The following VWDE variants were observed in gnomAD, a reference collection of about 807,000 sequenced individuals.
VWDE encodes von Willebrand factor D and EGF domain-containing protein.
In VWDE, 207 loss-of-function variants were observed where a neutral mutation model predicts 178.4. The ratio of observed to expected loss-of-function variants is 1.16; its 90% CI spans 1.04 to 1.30. The LOEUF (loss-of-function observed/expected upper bound fraction) is 1.30, where lower values mean the gene tolerates loss of function less well. Among genes scored for constraint, VWDE ranks in the 50% most tolerant of loss-of-function variants. The pLI is 0.00. For missense variants in VWDE, 2,287 were observed against 1,901.3 expected (o/e 1.20, Z -3.77); for synonymous variants, 738 against 651.4 (o/e 1.13, Z -2.02).
chr7:12,365,663 C>A lies in VWDE; in HGVS notation c.2898+1694G>T, dbSNP rs370269302. 4.6e-5 allele frequency among the ~76,000 whole-genome samples: 7 copies of A among 152,006 alleles called. No homozygotes were observed. In the South Asian group the frequency reaches 1.5e-3, roughly 32 times the overall value. ...GTGAATGCAAGGCTTTGAGCAGGGC[C>A]CATGTTCGTAGGGTTGGGGATCCTA... On this transcript the variant is annotated intron_variant, in intron 13 of 28. Transcript: ENST00000275358.
intron 1 of VWDE, 76 bp downstream of exon 1, chr7:12,403,581 CAA>C: frequency 7.1e-7 from 1 of 1,399,708 alleles, no homozygotes; most frequent in South Asian, 1.4e-5. Context: ...CCAAGTCGTC[CAA>C]AAAGTCTAGC....
intron 14 of VWDE, 48 bp from the exon 15 acceptor site, chr7:12,361,299 A>C: frequency 6.5e-7 from 1 of 1,536,486 alleles, no homozygotes; most frequent in Non-Finnish European, 8.8e-7. Context: ...TAAATGTTCT[A>C]AATTCATTAT....
At position 12,357,399 on chromosome 7, in the gene VWDE, A is replaced by T; in HGVS notation, c.3391T>A (p.Leu1131Met). The change falls in exon 17 of 29, where the codon TTG becomes ATG. Residue 1131 changes from leucine (L) to methionine (M), a missense_variant. Transcript: ENST00000275358. ...DPEGSDIHFT[L>M]DSGPEGASVS... ...CTTGCCCCTTCAGGACCAGAGTCCA[A>T]CGTAAAATGGATGTCAGAACCTTCT... The T allele has an allele frequency of 6.4e-7, 1 of 1,551,992 alleles. No individual in the cohort carries two copies. The highest frequency in any genetic ancestry group is 8.7e-7 in the Non-Finnish European group (1 of 1,147,070).
chr7:12,339,908 T>G (rs1216769727), intron 24 of VWDE, among the ~76,000 whole-genome samples: 1 of 152,108 alleles, frequency 6.6e-6, no homozygotes, highest in Non-Finnish European at 1.5e-5. Context: ...CACAGGTGAT[T>G]CTTCATAAAT....
At chr7:12,402,836 C>G (rs1344565387) in intron 1 of VWDE, among the ~76,000 whole-genome samples, 1 of 151,834 alleles carries the variant, frequency 6.6e-6, no homozygotes, top group African/African-American at 2.4e-5. Context: ...AATGATAAGA[C>G]AAAACTATAC....
At chr7:12,352,021 C>A (rs764318005) in intron 18 of VWDE, among the ~76,000 whole-genome samples, 2 of 152,032 alleles carry the variant, frequency 1.3e-5, no homozygotes, top group African/African-American at 2.4e-5. Flanking sequence ...GGTGTGCTCA[C>A]GAAAACAGGA....
intron 26 of VWDE, 45 bp from the exon 27 acceptor site, chr7:12,336,281 C>T (rs1332970438): frequency 6.8e-7 from 1 of 1,481,090 alleles, no homozygotes; most frequent in African/African-American, 1.4e-5. Context: ...AATTACTAGT[C>T]AAATCCTATC....
rs1048475844 is a variant in VWDE at position 12,333,446 on chromosome 7, T to C, written c.4758+19A>G. On this transcript the variant is annotated intron_variant, in intron 28 of 28. Transcript: ENST00000275358. ...ATGTCAATGTCTAATATTTATTTTC[T>C]CTTTAAACTCTGAAATACCTGTATT... is the stretch of plus-strand genomic sequence containing the variant. 21 of 1,451,498 alleles carry C rather than the reference T, an allele frequency of 1.4e-5. No homozygotes were observed. The Admixed American group carries it at 2.2e-4, about 16-fold the overall frequency. 89.9% of individuals were successfully genotyped at this position (1,451,498 alleles called of 1,614,324 possible).
chr7:12,344,500 T>G (rs2128547578), intron 19 of VWDE, 31 bp from the exon 20 acceptor site: 2 of 1,507,116 alleles, frequency 1.3e-6, no homozygotes, highest in African/African-American at 1.4e-5. Context: ...AAAAGGTTGA[T>G]TGCTAAAACA....
At chr7:12,365,649 G>T (rs1190181158) in intron 13 of VWDE, among the ~76,000 whole-genome samples, 2 of 152,002 alleles carry the variant, frequency 1.3e-5, no homozygotes, top group Admixed American at 6.6e-5. Context: ...TGAATGCAAG[G>T]CTTTGAGCAG....
At chr7:12,336,766 C>G (rs1223578927) in intron 26 of VWDE, among the ~76,000 whole-genome samples, 2 of 152,060 alleles carry the variant, frequency 1.3e-5, no homozygotes, top group African/African-American at 2.4e-5. Flanking sequence ...AGTAGAAAAA[C>G]TGAAAAATAC....
At chr7:12,393,232 A>G (rs115412403) in intron 2 of VWDE, among the ~76,000 whole-genome samples, 2,403 of 152,260 alleles carry the variant, frequency 0.016, 61 homozygotes, top group African/African-American at 0.055. Context: ...AGCCCTGGAG[A>G]ACGACTGCCT....
At chr7:12,383,412 C>T (rs1013688031) in intron 4 of VWDE, 124 bp downstream of exon 4, 55 of 765,232 alleles carry the variant, frequency 7.2e-5, no homozygotes, top group Non-Finnish European at 1.1e-4. Context: ...TTTTTGATAG[C>T]TACCAGACTT....
rs1448002733 is a variant in VWDE, at chr7:12,389,286, C to G, written c.316G>C (p.Glu106Gln). ...RDSETLPSPG[E>Q]IKQLTACATW... ...GCACAAGCTGTCAATTGCTTGATCT[C>G]CCCAGGAGATGGCAGTGTTTCTGAA... The change falls in exon 3 of 29, where the codon GAG (glutamate) becomes CAG (glutamine). Residue 106 changes from glutamate (E) to glutamine (Q), a missense_variant. Glu to Gln is a conservative substitution (Grantham distance 29). Coordinates refer to ENST00000275358, the MANE Select transcript of VWDE (RefSeq NM_001135924.3). The G allele has an allele frequency of 3.2e-6, 5 of 1,551,594 alleles. No homozygotes were observed. Among genetic ancestry groups the G allele is most frequent in the South Asian group, 1.2e-5 (1 of 84,062 alleles).
intron 3 of VWDE, among the ~76,000 whole-genome samples, chr7:12,385,301 G>A (rs1583340669): frequency 6.6e-6 from 1 of 152,044 alleles, no homozygotes; most frequent in Non-Finnish European, 1.5e-5. Flanking sequence ...GCTAGATAGG[G>A]GCTATTGGTT....
chr7:12,358,914 G>A (rs1002231131), intron 16 of VWDE, among the ~76,000 whole-genome samples: 1 of 152,082 alleles, frequency 6.6e-6, no homozygotes, highest in African/African-American at 2.4e-5. Flanking sequence ...ACACAGTAAT[G>A]AAATATGCAC....
intron 23 of VWDE, 54 bp from the exon 24 acceptor site, chr7:12,340,471 G>T: frequency 7.3e-7 from 1 of 1,371,506 alleles, no homozygotes; most frequent in Non-Finnish European, 1.0e-6. Context: ...TTTAAAAAAT[G>T]AAAGCTGCAC....
At chr7:12,350,385 T>C (rs777593896) in intron 19 of VWDE, among the ~76,000 whole-genome samples, 3 of 152,060 alleles carry the variant, frequency 2.0e-5, no homozygotes, top group Non-Finnish European at 2.9e-5. Context: ...TAACTACAAT[T>C]ATAGCAAGTA....
intron 28 of VWDE, among the ~76,000 whole-genome samples, chr7:12,332,339 T>C (rs1355459897): frequency 6.6e-6 from 1 of 152,150 alleles, no homozygotes. Context: ...TCTGGCATTT[T>C]TTCCCCTTAG....
Sources: allele counts gnomAD v4.1 joint callset (sites outside exome capture counted in the v4.1 genomes callset), GRCh38; gene constraint gnomAD v4.1.1; transcripts MANE v1.5; gene names NCBI Gene and HGNC (gene_info 2026-07-23, HGNC 2026-07-21).